Variants in OXR1 observed in about 807,000 individuals in gnomAD.
The protein encoded by OXR1 is oxidation resistance protein 1.
A neutral mutation model predicts 104.6 loss-of-function variants in OXR1; 41 were observed. The observed-to-expected ratio is 0.39, with a 90% CI of 0.31 to 0.51. OXR1 has a LOEUF of 0.51. Ranked by LOEUF, OXR1 falls within the 20% of genes least tolerant of loss-of-function variation. OXR1 has a pLI of 0.77. For missense variants in OXR1, 955 were observed against 1,031.9 expected (o/e 0.93, Z 1.02); for synonymous variants, 348 against 348.4 (o/e 1.00, Z 0.01).
intron 6 of OXR1, among the ~76,000 whole-genome samples, chr8:106,688,011 T>C (rs1255074496): frequency 1.3e-5 from 2 of 152,180 alleles, no homozygotes; most frequent in Non-Finnish European, 2.9e-5. Flanking sequence ...AAAGTCGATA[T>C]AGTAATAGCT....
intron 2 of OXR1, among the ~76,000 whole-genome samples, chr8:106,433,669 G>A (rs1174287246): frequency 6.6e-6 from 1 of 152,120 alleles, no homozygotes. Flanking sequence ...CTGTTATAAT[G>A]TTCTCCGTTA....
intron 2 of OXR1, among the ~76,000 whole-genome samples, chr8:106,397,849 C>CA (rs1279737623): frequency 6.6e-6 from 1 of 152,068 alleles, no homozygotes; most frequent in African/African-American, 2.4e-5. Flanking sequence ...GCTTAAACAA[C>CA]AAAAATGTAT....
intron 3 of OXR1, among the ~76,000 whole-genome samples, chr8:106,576,466 C>CAAAAAA (rs55917847): frequency 5.3e-5 from 6 of 112,428 alleles, no homozygotes; most frequent in South Asian, 2.8e-4. Context: ...CACAGTTATT[C>CAAAAAA]AAAAAAAAAA....
intron 3 of OXR1, among the ~76,000 whole-genome samples, chr8:106,549,193 C>A (rs1026657902): frequency 3.3e-5 from 5 of 152,020 alleles, no homozygotes; most frequent in African/African-American, 7.3e-5. Flanking sequence ...ACAAATCCTA[C>A]TGCAAAACCC....
chr8:106,561,687 C>T (rs1816694289), intron 3 of OXR1, among the ~76,000 whole-genome samples: 1 of 152,196 alleles, frequency 6.6e-6, no homozygotes, highest in Non-Finnish European at 1.5e-5. Context: ...ATGGGAGACA[C>T]CTCCCAGCAA....
chr8:106,528,236 G>A (rs1428631505), intron 3 of OXR1, among the ~76,000 whole-genome samples: 1 of 152,008 alleles, frequency 6.6e-6, no homozygotes, highest in Admixed American at 6.6e-5. Context: ...TATCAGTTTA[G>A]GATATTTGTT....
intron 1 of OXR1, among the ~76,000 whole-genome samples, chr8:106,354,434 T>C (rs904261249): frequency 3.9e-5 from 6 of 152,184 alleles, no homozygotes; most frequent in African/African-American, 1.4e-4. Context: ...GGAATTCAAA[T>C]ATATATGTAC....
chr8:106,552,953 C>T (rs928060488), intron 3 of OXR1, among the ~76,000 whole-genome samples: 1 of 152,130 alleles, frequency 6.6e-6, no homozygotes. Context: ...TCCTGGATAA[C>T]AAAGACTGTT....
intron 3 of OXR1, among the ~76,000 whole-genome samples, chr8:106,534,840 G>C (rs1268391766): frequency 6.6e-6 from 1 of 152,222 alleles, no homozygotes; most frequent in African/African-American, 2.4e-5. Flanking sequence ...AATGGAAAGA[G>C]GTTAATAGGG....
intron 2 of OXR1, among the ~76,000 whole-genome samples, chr8:106,506,441 G>C (rs529024717): frequency 1.3e-5 from 2 of 151,958 alleles, no homozygotes; most frequent in Non-Finnish European, 2.9e-5. Flanking sequence ...GTGAAACCCC[G>C]TCTCTACTAA....
At chr8:106,421,048 T>C (rs972339562) in intron 2 of OXR1, among the ~76,000 whole-genome samples, 1 of 152,180 alleles carries the variant, frequency 6.6e-6, no homozygotes, top group Non-Finnish European at 1.5e-5. Flanking sequence ...ATGAATTATA[T>C]ATGAACTACT....
Position 106,683,323 on chromosome 8 carries a change from A to T in OXR1, c.411+17A>T. The stretch of plus-strand genomic sequence containing the variant: ...ACTGGACAGGTAGTATCTTTTTTTT[A>T]ATGTGCTGATGTTTAGAAACATTAA... On this transcript the variant is annotated intron_variant, in intron 5 of 16. Coordinates refer to ENST00000517566, the MANE Select transcript of OXR1 (RefSeq NM_001198533.2). 1 of 1,162,476 alleles carries T rather than the reference A, an allele frequency of 8.6e-7. No homozygotes were observed. The highest frequency in any genetic ancestry group is 1.3e-6 in the Non-Finnish European group (1 of 770,576). 72.0% of individuals were successfully genotyped at this position (1,162,476 alleles called of 1,614,324 possible).
At chr8:106,392,166 C>T (rs949646210) in intron 2 of OXR1, among the ~76,000 whole-genome samples, 1 of 152,150 alleles carries the variant, frequency 6.6e-6, no homozygotes, top group Non-Finnish European at 1.5e-5. Flanking sequence ...GATGTTCAAC[C>T]CTTGTGGTGA....
intron 2 of OXR1, among the ~76,000 whole-genome samples, chr8:106,516,085 C>G (rs1812839413): frequency 6.6e-6 from 1 of 152,104 alleles, no homozygotes; most frequent in South Asian, 2.1e-4. Flanking sequence ...CTCACTCCCT[C>G]TTTTTCTCTG....
intron 3 of OXR1, among the ~76,000 whole-genome samples, chr8:106,539,650 A>T (rs1348455345): frequency 2.0e-5 from 3 of 152,252 alleles, no homozygotes; most frequent in African/African-American, 7.2e-5. Context: ...TTTCTTAGGA[A>T]TATGAAAATG....
intron 1 of OXR1, among the ~76,000 whole-genome samples, chr8:106,348,122 A>G (rs1815571791): frequency 6.6e-6 from 1 of 152,198 alleles, no homozygotes; most frequent in Non-Finnish European, 1.5e-5. Context: ...CAGTTTGTTC[A>G]TTGTGAAACA....
intron 2 of OXR1, among the ~76,000 whole-genome samples, chr8:106,425,495 G>C (rs1221674010): frequency 6.6e-6 from 1 of 152,094 alleles, no homozygotes; most frequent in African/African-American, 2.4e-5. Context: ...AAGTGAAGAC[G>C]ATAAAAATAA....
chr8:106,343,145 C>G (rs1175874514), intron 1 of OXR1, among the ~76,000 whole-genome samples: 1 of 152,196 alleles, frequency 6.6e-6, no homozygotes, highest in Non-Finnish European at 1.5e-5. Flanking sequence ...ATAATCTTCT[C>G]CCAGTTTGTC....
intron 1 of OXR1, among the ~76,000 whole-genome samples, chr8:106,322,574 T>C (rs781488435): frequency 6.6e-6 from 1 of 152,124 alleles, no homozygotes; most frequent in South Asian, 2.1e-4. Context: ...GGCATCCAAA[T>C]AGGAAGAGAG....
Sources: gnomAD v4.1 joint callset for allele counts (sites outside exome capture counted in the v4.1 genomes callset) on GRCh38, gnomAD v4.1.1 for gene constraint, MANE v1.5 for transcripts, NCBI Gene and HGNC (gene_info 2026-07-23, HGNC 2026-07-21) for gene names.